RFT1: variants seen among roughly 807,000 people sequenced by gnomAD.
RFT1 encodes man(5)GlcNAc(2)-PP-dolichol translocation protein RFT1.
Under a neutral mutation model 62.2 loss-of-function variants are expected in RFT1, and 43 were observed. That is an observed-to-expected ratio of 0.69 (90% confidence interval 0.54 to 0.89). The LOEUF (loss-of-function observed/expected upper bound fraction) is 0.89. Ranked by LOEUF, RFT1 falls within the 40% of genes least tolerant of loss-of-function variation. The pLI, the probability that RFT1 is intolerant of heterozygous loss-of-function variation, is 0.00. For synonymous variants in RFT1, 262 were observed against 264.6 expected (o/e 0.99, Z 0.10); for missense variants, 605 against 649.9 (o/e 0.93, Z 0.75).
downstream of RFT1, among the ~76,000 whole-genome samples, chr3:53,087,049 C>T (rs1700869630): frequency 6.6e-6 from 1 of 152,130 alleles, no homozygotes; most frequent in African/African-American, 2.4e-5. Flanking sequence ...ACCAGCCTGG[C>T]CAACATGGTG....
chr3:53,130,256 G>A (rs983999315), intron 1 of RFT1, 82 bp downstream of exon 1: 1 of 1,396,702 alleles, frequency 7.2e-7, no homozygotes, highest in Non-Finnish European at 9.9e-7. Flanking sequence ...TCGGCCCTGG[G>A]GCAGGCTCTC....
chr3:53,093,482 G>A (rs1054752678), intron 11 of RFT1, among the ~76,000 whole-genome samples: 8 of 152,154 alleles, frequency 5.3e-5, no homozygotes, highest in Non-Finnish European at 1.0e-4. Flanking sequence ...TCTGGTTTCC[G>A]CCTAGCACCA....
At chr3:53,123,672 G>T in intron 3 of RFT1, 52 bp downstream of exon 3, 3 of 1,382,734 alleles carry the variant, frequency 2.2e-6, no homozygotes, top group Non-Finnish European at 2.1e-6. Flanking sequence ...CATTTCCAAT[G>T]CTCACTACAC....
chr3:53,127,697 G>T (rs1702146300), intron 1 of RFT1, among the ~76,000 whole-genome samples: 2 of 151,808 alleles, frequency 1.3e-5, no homozygotes, highest in African/African-American at 4.8e-5. Context: ...ACTTTGGGAG[G>T]CTGAAAGGTA....
rs144970745 is a variant in RFT1 at position 53,107,136 on chromosome 3, G to GTT, written c.776-269_776-268dup. 6.7e-3 allele frequency among the ~76,000 whole-genome samples: 944 copies of GTT among 140,330 alleles called. 14 individuals carry two copies. The highest frequency in any genetic ancestry group is 0.01 in the Non-Finnish European group (675 of 64,732). 92.1% of individuals were successfully genotyped at this position (140,330 alleles called of 152,430 possible). Reference sequence around the variant, plus strand: ...ATAAAAATAAAACAAGTCTAAAAAGGTTTTTTTTTTTTTTTTTGAGACGGA... The same window carrying GTT: ...ATAAAAATAAAACAAGTCTAAAAAGGTTTTTTTTTTTTTTTTTTTGAGACGGA... On this transcript the variant is annotated intron_variant, in intron 7 of 12. Coordinates refer to ENST00000296292, the MANE Select transcript of RFT1 (RefSeq NM_052859.4).
chr3:53,125,135 G>A (rs1379656896), intron 2 of RFT1, among the ~76,000 whole-genome samples: 1 of 152,196 alleles, frequency 6.6e-6, no homozygotes, highest in Non-Finnish European at 1.5e-5. Flanking sequence ...TGATTCCTTT[G>A]CTCAAAGCTT....
chr3:53,076,997 TG>T, the RFT1 span, among the ~76,000 whole-genome samples: 2 of 149,022 alleles, frequency 1.3e-5, no homozygotes, highest in African/African-American at 4.9e-5. Flanking sequence ...CTGAAAGCAA[TG>T]GGTCAAGAAG....
chr3:53,092,503 G>A lies in RFT1; in HGVS notation c.1324C>T (p.Arg442Trp), dbSNP rs146610276. 28 of 1,612,146 alleles carry A rather than the reference G, an allele frequency of 1.7e-5. No individual in the cohort carries two copies. Among genetic ancestry groups the A allele is most frequent in the African/African-American group, 1.1e-4 (8 of 74,914 alleles). ...ILANCFNMGI[R>W]ITQSLCFIHR... is the part of the protein sequence containing the mutation. ...ATGAAGCAAAGGCTCTGCGTGATCC[G>A]AATGCCCATGTTAAAGCAGTTGGCC... The change falls in exon 12 of 13, where the codon CGG (arginine) becomes TGG (tryptophan). Residue 442 changes from arginine to tryptophan, a missense_variant. Physicochemically the swap from Arg to Trp is moderately radical, Grantham distance 101. Coordinates refer to ENST00000296292, the MANE Select transcript of RFT1 (RefSeq NM_052859.4).
chr3:53,092,762 A>T, intron 11 of RFT1, 144 bp from the exon 12 acceptor site: 1 of 933,998 alleles, frequency 1.1e-6, no homozygotes, highest in Non-Finnish European at 1.6e-6. Flanking sequence ...TGCTACCTGG[A>T]GACCATGGGA....
the RFT1 span, among the ~76,000 whole-genome samples, chr3:53,083,068 G>A: frequency 6.6e-6 from 1 of 151,836 alleles, no homozygotes; most frequent in African/African-American, 2.4e-5. Flanking sequence ...GGGTGTGGCG[G>A]TGGGCACCTG....
rs529648984 is a variant in RFT1, at chr3:53,108,071, CAG to C, written c.776-1204_776-1203del. 1.2e-3 allele frequency among the ~76,000 whole-genome samples: 186 copies of C among 152,304 alleles called. 6 individuals are homozygous for C. The South Asian group carries it at 0.034, about 28-fold the overall frequency. ...TTTTGTTGTGGTTGTTGTTTTGAGACAGAGTCTTATTCTGTCGCCCAGGCTAG... is the reference window on the plus strand; with the variant it reads ...TTTTGTTGTGGTTGTTGTTTTGAGACAGTCTTATTCTGTCGCCCAGGCTAG... On this transcript the variant is annotated intron_variant, in intron 7 of 12. Coordinates refer to ENST00000296292, the MANE Select transcript of RFT1 (RefSeq NM_052859.4).
intron 11 of RFT1, among the ~76,000 whole-genome samples, chr3:53,097,141 T>C (rs919082213): frequency 1.3e-5 from 2 of 152,192 alleles, no homozygotes; most frequent in African/African-American, 4.8e-5. Flanking sequence ...AAATGTCCAA[T>C]GCAAAGTCAT....
chr3:53,122,692 T>C (rs1702004935), intron 3 of RFT1, 129 bp from the exon 4 acceptor site: 1 of 468,328 alleles, frequency 2.1e-6, no homozygotes, highest in Admixed American at 4.1e-5. Flanking sequence ...AGATACTAAC[T>C]ACATGCCAGG....
chr3:53,107,009 C>T lies in RFT1; in HGVS notation c.776-140G>A, dbSNP rs1018071025. 1.0e-5 allele frequency: 7 copies of T among 677,762 alleles called. No homozygotes were observed. In the African/African-American group the frequency reaches 1.3e-4, roughly 12 times the overall value. 42.0% of individuals were successfully genotyped at this position (677,762 alleles called of 1,614,324 possible). On this transcript the variant is annotated intron_variant, in intron 7 of 12. Coordinates refer to ENST00000296292, the MANE Select transcript of RFT1 (RefSeq NM_052859.4). ...TAATCAGTTAAAGACATGTCCTTGTCCTAATGTTGATTTCAAATAATCTCA... is the reference window on the plus strand; with the variant it reads ...TAATCAGTTAAAGACATGTCCTTGTTCTAATGTTGATTTCAAATAATCTCA...
chr3:53,115,199 T>G (rs1701758074), intron 6 of RFT1, among the ~76,000 whole-genome samples: 1 of 152,162 alleles, frequency 6.6e-6, no homozygotes, highest in African/African-American at 2.4e-5. Context: ...GAGTCAAGCT[T>G]GGAGATTGGG....
chr3:53,104,205 A>G, intron 9 of RFT1, 108 bp from the exon 10 acceptor site: 3 of 1,137,026 alleles, frequency 2.6e-6, no homozygotes, highest in East Asian at 4.9e-5. Flanking sequence ...TCACTCTTCC[A>G]ACAGCGTGAT....
intron 7 of RFT1, among the ~76,000 whole-genome samples, chr3:53,111,370 T>C (rs767591996): frequency 6.6e-6 from 1 of 151,500 alleles, no homozygotes; most frequent in Non-Finnish European, 1.5e-5. Flanking sequence ...AGCACCACTG[T>C]ACTCCAGCTT....
intron 10 of RFT1, among the ~76,000 whole-genome samples, chr3:53,101,556 C>T (rs528940481): frequency 8.3e-4 from 126 of 152,228 alleles, no homozygotes; most frequent in African/African-American, 2.9e-3. Context: ...AACCAACCTT[C>T]GATTGTAGAC....
the RFT1 span, among the ~76,000 whole-genome samples, chr3:53,078,586 T>A: frequency 6.6e-6 from 1 of 152,042 alleles, no homozygotes; most frequent in African/African-American, 2.4e-5. Context: ...TAATAATTTT[T>A]AAAAAATTAG....
Sources: allele counts gnomAD v4.1 joint callset (sites outside exome capture counted in the v4.1 genomes callset), GRCh38; gene constraint gnomAD v4.1.1; transcripts MANE v1.5; gene names NCBI Gene and HGNC (gene_info 2026-07-23, HGNC 2026-07-21).